The following MARCO variants were observed in gnomAD, a reference collection of about 807,000 sequenced individuals.
The protein encoded by MARCO is macrophage receptor MARCO.
MARCO carries 72 observed loss-of-function variants against 70.0 expected under a neutral mutation model. The ratio of observed to expected loss-of-function variants is 1.03; its 90% CI spans 0.85 to 1.25. The LOEUF (loss-of-function observed/expected upper bound fraction) is 1.25, where lower values mean the gene tolerates loss of function less well. Ranked by LOEUF, MARCO falls within the 50% of genes most tolerant of loss-of-function variation. The pLI is 0.00. For missense variants in MARCO, 696 were observed against 659.3 expected (o/e 1.06, Z -0.61); for synonymous variants, 273 against 243.1 (o/e 1.12, Z -1.14).
chr2:118,994,243 C>A, intron 16 of MARCO, 144 bp from the exon 17 acceptor site: 1 of 821,882 alleles, frequency 1.2e-6, no homozygotes, highest in South Asian at 1.6e-5. Context: ...AGCCAGCCAT[C>A]AGCACATTGG....
At chr2:118,986,621 GAA>G (rs1199751697) in intron 12 of MARCO, among the ~76,000 whole-genome samples, 1 of 26,324 alleles carries the variant, frequency 3.8e-5, no homozygotes, top group Middle Eastern at 0.016. Context: ...AAGAAAGAAA[GAA>G]AGAAAGAAAG....
chr2:118,989,245 C>T (rs1285070855), intron 12 of MARCO, among the ~76,000 whole-genome samples: 2 of 152,320 alleles, frequency 1.3e-5, no homozygotes, highest in Admixed American at 1.3e-4. Flanking sequence ...TTCAGAGGGA[C>T]AGGTGTGTGC....
intron 3 of MARCO, among the ~76,000 whole-genome samples, chr2:118,970,552 G>A (rs1047027161): frequency 6.6e-6 from 1 of 152,152 alleles, no homozygotes; most frequent in Non-Finnish European, 1.5e-5. Flanking sequence ...AGCCTGGGGC[G>A]GTTCCCTGGA....
chr2:118,969,691 G>A (rs1018298606), intron 2 of MARCO, among the ~76,000 whole-genome samples: 1 of 152,222 alleles, frequency 6.6e-6, no homozygotes, highest in Non-Finnish European at 1.5e-5. Context: ...AGCAGACACT[G>A]AAGTCACTCA....
intron 1 of MARCO, among the ~76,000 whole-genome samples, chr2:118,951,925 C>T (rs951834419): frequency 1.3e-5 from 2 of 151,892 alleles, no homozygotes; most frequent in Non-Finnish European, 1.5e-5. Context: ...CCCTCTTTGT[C>T]TCTCCGCCTC....
At chr2:118,993,492 T>C (rs532927805) in intron 16 of MARCO, among the ~76,000 whole-genome samples, 192 bp downstream of exon 16, 1 of 152,296 alleles carries the variant, frequency 6.6e-6, no homozygotes, top group African/African-American at 2.4e-5. Flanking sequence ...AGCAGAAAGA[T>C]GGCCTGTCTT....
rs760819256 is a variant in MARCO at position 118,981,631 on chromosome 2, T to A, written c.876T>A (p.Gly292=). ...FGRPGPPGLA[G]FPGAKGDQGQ... ...TCTTTTTCATCTTAGGTTTGGCTGG[T>A]TTTCCTGGAGCTAAAGGAGATCAAG... Residue 292 remains glycine, a synonymous_variant, in exon 10 of 17, where the codon GGT becomes GGA. Coordinates refer to ENST00000327097, the MANE Select transcript of MARCO (RefSeq NM_006770.4). 3 of 1,613,716 alleles carry A rather than the reference T, an allele frequency of 1.9e-6. No homozygotes were observed. Among genetic ancestry groups the A allele is most frequent in the Admixed American group, 3.3e-5 (2 of 59,964 alleles).
At chr2:118,956,715 T>C (rs1679844745) in intron 1 of MARCO, among the ~76,000 whole-genome samples, 1 of 152,080 alleles carries the variant, frequency 6.6e-6, no homozygotes, top group South Asian at 2.1e-4. Flanking sequence ...TGCATGGAAC[T>C]TTCTCCAAGA....
chr2:118,951,280 C>T (rs961866516), intron 1 of MARCO, among the ~76,000 whole-genome samples: 5 of 152,206 alleles, frequency 3.3e-5, no homozygotes, highest in African/African-American at 1.2e-4. Flanking sequence ...CTGGTGGGAC[C>T]TTTCTATGGT....
At chr2:118,975,465 A>T (rs1346681549) in intron 6 of MARCO, among the ~76,000 whole-genome samples, 1 of 152,224 alleles carries the variant, frequency 6.6e-6, no homozygotes, top group Non-Finnish European at 1.5e-5. Context: ...TAGGAGGTAG[A>T]ATCCTCCAGA....
In MARCO at chr2:118,990,880, A is replaced by G. The variant is rs981161863; in HGVS notation, c.1108+247A>G. Among the ~76,000 whole-genome samples, 40 of 149,570 alleles carry G rather than the reference A, an allele frequency of 2.7e-4. 1 individual carries two copies. The highest frequency in any genetic ancestry group is 7.9e-4 in the East Asian group (4 of 5,076). On this transcript the variant is annotated intron_variant, in intron 13 of 16. Transcript: ENST00000327097. Reference sequence around the variant, plus strand: ...GCTGAGGATGGCAAAGGGGCTGAGGATGGCAAAGGGGAAAAATGTCAGGAG... The same window carrying G: ...GCTGAGGATGGCAAAGGGGCTGAGGGTGGCAAAGGGGAAAAATGTCAGGAG...
chr2:118,945,775 G>A (rs1364462707), intron 1 of MARCO, among the ~76,000 whole-genome samples: 1 of 152,156 alleles, frequency 6.6e-6, no homozygotes, highest in Non-Finnish European at 1.5e-5. Flanking sequence ...TCAGTCTGAA[G>A]AACATTCTTC....
At position 118,986,582 on chromosome 2, in the gene MARCO, GA is replaced by G. The variant is rs1558671352; in HGVS notation, c.1064-4004del. Among the ~76,000 whole-genome samples, 294 of 68,900 alleles carry G rather than the reference GA, an allele frequency of 4.3e-3. 19 individuals are homozygous for G. The highest frequency in any genetic ancestry group is 0.017 in the African/African-American group (234 of 13,708). The allele number at this position is 68,900 out of a possible 152,430, so 45.2% of individuals were successfully genotyped here. A position where few individuals can be genotyped will look rare whatever the true frequency, so the allele number is the denominator to read the frequency against. On this transcript the variant is annotated intron_variant, in intron 12 of 16. Transcript: ENST00000327097. Reference sequence around the variant, plus strand: ...GAAGGGAGGGAGGGAGGGAGGGAAGGAAAGAAGAAAGAAAGAAAGAAAGAAA... The same window carrying G: ...GAAGGGAGGGAGGGAGGGAGGGAAGGAAGAAGAAAGAAAGAAAGAAAGAAA...
In MARCO at chr2:118,976,673, G is replaced by T. The variant is rs1290022984; in HGVS notation, c.614-798G>T. ...CTAATTATGCATCTGCTGAGGACAG[G>T]TAGTCATTAGCAGCCCCATTTTACA... On this transcript the variant is annotated intron_variant, in intron 6 of 16. Coordinates refer to ENST00000327097, the MANE Select transcript of MARCO (RefSeq NM_006770.4). 2.0e-5 allele frequency among the ~76,000 whole-genome samples: 3 copies of T among 152,170 alleles called. No individual in the cohort carries two copies. The East Asian group carries it at 5.8e-4, about 29-fold the overall frequency.
chr2:118,977,865 C>A lies in MARCO; in HGVS notation c.696C>A (p.Gly232=), dbSNP rs372497322. The A allele has an allele frequency of 1.2e-6, 2 of 1,612,860 alleles. No homozygotes were observed. Among genetic ancestry groups the A allele is most frequent in the African/African-American group, 1.3e-5 (1 of 74,862 alleles). The change falls in exon 8 of 17, where the codon GGC becomes GGA. Residue 232 remains glycine (G), a synonymous_variant. Transcript: ENST00000327097. ...CCCAAGGAGAGAAGGGCAGCAAAGG[C>A]GATGGGGGTCTCATTGGCCCAAAAG... ...PGPQGEKGSK[G]DGGLIGPKGE...
intron 1 of MARCO, among the ~76,000 whole-genome samples, chr2:118,968,292 G>A (rs371784210): frequency 2.0e-5 from 3 of 152,302 alleles, no homozygotes; most frequent in African/African-American, 7.2e-5. Flanking sequence ...ACTGGAAACA[G>A]CTCATTAAAA....
chr2:118,971,367 A>G (rs926868761), intron 3 of MARCO, 132 bp from the exon 4 acceptor site: 3 of 868,920 alleles, frequency 3.5e-6, no homozygotes, highest in Admixed American at 4.3e-5. Context: ...TGTTGTCCAA[A>G]CCCCCACAGT....
rs112325644 is a variant in MARCO, at chr2:118,991,952, G to A, written c.1207+77G>A. The A allele has an allele frequency of 3.1e-5, 33 of 1,051,392 alleles. 1 individual carries two copies. Among genetic ancestry groups the A allele is most frequent in the African/African-American group, 3.1e-4 (19 of 61,636 alleles). The allele number at this position is 1,051,392 out of a possible 1,614,324, so 65.1% of individuals were successfully genotyped here. A position where few individuals can be genotyped will look rare whatever the true frequency, so the allele number is the denominator to read the frequency against. On this transcript the variant is annotated intron_variant, in intron 14 of 16. Coordinates refer to ENST00000327097, the MANE Select transcript of MARCO (RefSeq NM_006770.4). ...AGTTCTGTACCTTAAAATAGGAAAGGCGCTGTTTTAAGAGTTCTGGGGATT... is the reference window on the plus strand; with the variant it reads ...AGTTCTGTACCTTAAAATAGGAAAGACGCTGTTTTAAGAGTTCTGGGGATT...
At chr2:118,953,279 T>C (rs757620707) in intron 1 of MARCO, among the ~76,000 whole-genome samples, 1 of 152,232 alleles carries the variant, frequency 6.6e-6, no homozygotes, top group Non-Finnish European at 1.5e-5. Context: ...CAAAGAGTTA[T>C]TAACACAAAG....
Sources: allele counts gnomAD v4.1 joint callset (sites outside exome capture counted in the v4.1 genomes callset), GRCh38; gene constraint gnomAD v4.1.1; transcripts MANE v1.5; gene names NCBI Gene and HGNC (gene_info 2026-07-23, HGNC 2026-07-21).